Variants in TNS1 observed in about 807,000 individuals in gnomAD.
TNS1 encodes the protein tensin 1.
In TNS1, 62 loss-of-function variants were observed where a neutral mutation model predicts 168.6. That is an observed-to-expected ratio of 0.37 (90% confidence interval 0.30 to 0.45). The LOEUF is 0.45. TNS1 is among the 20% of genes least tolerant of loss of function. The pLI is 1.00. For missense variants in TNS1, 2,240 were observed against 2,339.4 expected (o/e 0.96, Z 0.88); for synonymous variants, 934 against 933.2 (o/e 1.00, Z -0.02).
chr2:218,010,530 T>G, upstream of TNS1: 2 of 194,526 alleles, frequency 1.0e-5, no homozygotes. Flanking sequence ...CTCCGCCTCC[T>G]GCTTCCCGGG....
chr2:217,816,569 G>A (rs1941915320), intron 24 of TNS1, among the ~76,000 whole-genome samples: 1 of 152,154 alleles, frequency 6.6e-6, no homozygotes, highest in Non-Finnish European at 1.5e-5. Context: ...TCTGTCTGAA[G>A]CCCCAGGCCC....
intron 18 of TNS1, among the ~76,000 whole-genome samples, chr2:217,867,175 T>G (rs974304825): frequency 2.0e-5 from 3 of 152,178 alleles, no homozygotes; most frequent in Non-Finnish European, 4.4e-5. Context: ...GGGGTGCATA[T>G]TAAAGGAGGT....
intron 21 of TNS1, among the ~76,000 whole-genome samples, chr2:217,834,152 C>T (rs1343911512): frequency 6.6e-6 from 1 of 152,248 alleles, no homozygotes; most frequent in African/African-American, 2.4e-5. Flanking sequence ...TCAGCCTCCT[C>T]ATGCCCAAGA....
At chr2:217,912,809 A>G (rs1954579099) in intron 4 of TNS1, among the ~76,000 whole-genome samples, 1 of 152,184 alleles carries the variant, frequency 6.6e-6, no homozygotes, top group Admixed American at 6.5e-5. Flanking sequence ...CCTAATCACG[A>G]AAACAAGGCA....
At chr2:217,994,886 C>T (rs1049423844) in intron 1 of TNS1, among the ~76,000 whole-genome samples, 2 of 152,218 alleles carry the variant, frequency 1.3e-5, no homozygotes, top group Non-Finnish European at 2.9e-5. Flanking sequence ...TGAGCGAGCA[C>T]TGAGGGAGGA....
chr2:217,982,363 G>A lies in TNS1; in HGVS notation c.149-3561C>T, dbSNP rs544354983. ...AATTCCTGAGCCATGGAAACCATGT[G>A]GAATACTAATTTTGATTTTTTTTCT... is the stretch of plus-strand genomic sequence containing the variant. On this transcript the variant is annotated intron_variant, in intron 2 of 32. Transcript: ENST00000682258. Among the ~76,000 whole-genome samples, 14 of 151,712 alleles carry A rather than the reference G, an allele frequency of 9.2e-5. No homozygotes were observed. In the South Asian group the frequency reaches 2.9e-3, roughly 32 times the overall value.
At chr2:218,006,214 G>A (rs1045499264), upstream of TNS1, among the ~76,000 whole-genome samples, 1 of 152,244 alleles carries the variant, frequency 6.6e-6, no homozygotes, top group East Asian at 1.9e-4. Flanking sequence ...GGAGGAGGGT[G>A]GAGCCAAGGC....
intron 4 of TNS1, among the ~76,000 whole-genome samples, chr2:217,909,085 G>T (rs1198709276): frequency 2.1e-5 from 3 of 144,194 alleles, no homozygotes; most frequent in Middle Eastern, 3.5e-3. Flanking sequence ...CTCTACCAGG[G>T]ACCACCCCCC....
chr2:217,982,655 G>A (rs1958084675), intron 2 of TNS1, among the ~76,000 whole-genome samples: 1 of 152,018 alleles, frequency 6.6e-6, no homozygotes, highest in Non-Finnish European at 1.5e-5. Context: ...CTCCTGCCTG[G>A]GTTTCCAAAA....
intron 3 of TNS1, among the ~76,000 whole-genome samples, chr2:217,973,757 C>G (rs1365010618): frequency 1.3e-5 from 2 of 152,196 alleles, no homozygotes; most frequent in Non-Finnish European, 2.9e-5. Flanking sequence ...GTGAGCCCTG[C>G]CCACCTCACA....
chr2:217,871,889 A>G (rs1186461004), intron 18 of TNS1, among the ~76,000 whole-genome samples: 1 of 152,274 alleles, frequency 6.6e-6, no homozygotes, highest in Admixed American at 6.5e-5. Context: ...TTTCCAGGCT[A>G]ATCCAGGCAC....
intron 3 of TNS1, among the ~76,000 whole-genome samples, chr2:217,926,938 A>G (rs1029507269): frequency 6.6e-6 from 1 of 152,228 alleles, no homozygotes; most frequent in Non-Finnish European, 1.5e-5. Flanking sequence ...ATGCTGTGGC[A>G]GAGGTGCCAG....
At chr2:217,846,013 C>A (rs1023804159) in intron 19 of TNS1, among the ~76,000 whole-genome samples, 12 of 152,064 alleles carry the variant, frequency 7.9e-5, no homozygotes, top group Non-Finnish European at 1.5e-4. Flanking sequence ...TCAAAAAAAC[C>A]AAGAAGAAAA....
At chr2:217,897,504 G>A (rs1952441942) in intron 8 of TNS1, among the ~76,000 whole-genome samples, 2 of 152,320 alleles carry the variant, frequency 1.3e-5, no homozygotes, top group Admixed American at 6.5e-5. Context: ...CTAGTAGCAA[G>A]CGCTCAATAA....
At chr2:217,983,970 T>C (rs1958124561) in intron 2 of TNS1, among the ~76,000 whole-genome samples, 1 of 152,212 alleles carries the variant, frequency 6.6e-6, no homozygotes, top group African/African-American at 2.4e-5. Context: ...CAGTAAACTA[T>C]GAATAAAGCA....
intron 3 of TNS1, among the ~76,000 whole-genome samples, chr2:217,929,869 C>G (rs1956230480): frequency 6.6e-6 from 1 of 152,178 alleles, no homozygotes; most frequent in Non-Finnish European, 1.5e-5. Flanking sequence ...ATGATTGCAA[C>G]AGCCTACAAC....
rs895649158 is a variant in TNS1 at position 217,802,015 on chromosome 2, C to A, written c.*2444G>T. On this transcript the variant is annotated 3_prime_UTR_variant, in exon 33 of 33. Coordinates refer to ENST00000682258, the MANE Select transcript of TNS1 (RefSeq NM_001387777.1). ...CGTGAAAGCTGACCCCAGACTCAGT[C>A]CTGGGCCCCAGCCAGGCTGCTTGAA... is the stretch of plus-strand genomic sequence containing the variant. 6.6e-6 allele frequency: 1 copy of A among 152,250 alleles called. No homozygotes were observed. Among genetic ancestry groups the A allele is most frequent in the Non-Finnish European group, 1.5e-5 (1 of 68,080 alleles). The allele number at this position is 152,250 out of a possible 1,614,324, so 9.4% of individuals were successfully genotyped here. A position where few individuals can be genotyped will look rare whatever the true frequency, so the allele number is the denominator to read the frequency against.
Position 217,818,544 on chromosome 2 carries a change from T to G in TNS1, c.3788A>C (p.Glu1263Ala). The G allele has an allele frequency of 6.2e-7, 1 of 1,614,208 alleles. No individual in the cohort carries two copies. The highest frequency in any genetic ancestry group is 1.1e-5 in the South Asian group (1 of 91,078). The part of the protein sequence containing the change: ...YSLQHFSSSP[E>A]SQARAQFSVA... ...ACTGAACTGAGCTCGAGCCTGGCTT[T>G]CCGGAGAGGAGCTGAAATGCTGAAG... The change falls in exon 24 of 33, where the codon GAA (glutamate) becomes GCA (alanine). Residue 1263 changes from glutamate (E) to alanine (A), a missense_variant. Physicochemically the swap from Glu to Ala is moderately radical, Grantham distance 107. This residue lies in a region of TNS1 where 2,131 missense variants were observed against 2,171.2 expected (regional missense o/e 0.98). Transcript: ENST00000682258.
chr2:217,893,156 T>A, intron 10 of TNS1, 144 bp from the exon 11 acceptor site: 2 of 1,106,304 alleles, frequency 1.8e-6, no homozygotes, highest in Non-Finnish European at 2.6e-6. Flanking sequence ...GAAGGGGGCC[T>A]CAGGGGAGGG....
Sources: gnomAD v4.1 joint callset for allele counts (sites outside exome capture counted in the v4.1 genomes callset) on GRCh38, gnomAD v4.1.1 for gene constraint, gnomAD v4.1.1 regional missense constraint, MANE v1.5 for transcripts, NCBI Gene and HGNC (gene_info 2026-07-23, HGNC 2026-07-21) for gene names.